The following TBX2 variants were observed in gnomAD, a reference collection of about 807,000 sequenced individuals.
TBX2 encodes T-box transcription factor 2, also known as T-box transcription factor TBX2.
TBX2 carries 19 observed loss-of-function variants against 48.4 expected under a neutral mutation model. That is an observed-to-expected ratio of 0.39 (90% CI 0.27 to 0.58). The LOEUF is 0.58. Ranked by LOEUF, TBX2 falls within the 20% of genes least tolerant of loss-of-function variation. The probability of loss-of-function intolerance (pLI) is 0.54; values close to 1 mark genes in which losing one functional copy is unlikely to be tolerated. For missense variants in TBX2, 994 were observed against 1,006.5 expected, an observed-to-expected ratio of 0.99 and a Z score of 0.17; for synonymous variants, 522 against 459.7, an observed-to-expected ratio of 1.14 and a Z score of -1.73.
chr17:61,401,769 G>A lies in TBX2; in HGVS notation c.481G>A (p.Asp161Asn). 6.2e-7 allele frequency: 1 copy of A among 1,613,138 alleles called. No individual in the cohort carries two copies. Among genetic ancestry groups the A allele is most frequent in the Non-Finnish European group, 8.5e-7 (1 of 1,180,016 alleles). The change falls in exon 2 of 7, where the codon GAC becomes AAC. Residue 161 changes from aspartate to asparagine, a missense_variant. Coordinates refer to ENST00000240328, the MANE Select transcript of TBX2 (RefSeq NM_005994.4). ...CCTGCTGATGGACATTGTAGCCGCT[G>A]ACGATTGCCGCTATAAGTTCCACAA... Reference protein sequence around the residue: ...YILLMDIVAADDCRYKFHNSR... With the variant: ...YILLMDIVAANDCRYKFHNSR...
Position 61,401,854 on chromosome 17 carries a change from A to G in TBX2, c.566A>G (p.His189Arg). The G allele has an allele frequency of 6.2e-7, 1 of 1,613,008 alleles. No individual in the cohort carries two copies. Among genetic ancestry groups the G allele is most frequent in the Non-Finnish European group, 8.5e-7 (1 of 1,180,010 alleles). Residue 189 changes from histidine (H) to arginine (R), a missense_variant, in exon 2 of 7, where the codon CAC (histidine) becomes CGC (arginine). Coordinates refer to ENST00000240328, the MANE Select transcript of TBX2 (RefSeq NM_005994.4). ...DPEMPKRMYI[H>R]PDSPATGEQW... ...GAGATGCCCAAACGCATGTACATCC[A>G]CCCAGACAGCCCAGCCACGGGGGAG...
rs756265719 is a variant in TBX2 at position 61,403,142 on chromosome 17, A to T, written c.745A>T (p.Thr249Ser). Reference sequence around the variant, plus strand: ...CGACATCCTGAAGCTGCCTTACAGCACCTTCCGCACCTACGTGTTCCCGGA... The same window carrying T: ...CGACATCCTGAAGCTGCCTTACAGCTCCTTCCGCACCTACGTGTTCCCGGA... Reference protein sequence around the residue: ...ANDILKLPYSTFRTYVFPETD... With the variant: ...ANDILKLPYSSFRTYVFPETD... Residue 249 changes from threonine (T) to serine (S), a missense_variant, in exon 3 of 7, where the codon ACC (threonine) becomes TCC (serine). Thr to Ser is a moderately conservative substitution (Grantham distance 58, BLOSUM62 1). This residue lies in a region of TBX2 where 153 missense variants were observed against 166.2 expected (regional missense o/e 0.92). Transcript: ENST00000240328. The surrounding 1 kb of genome is among the most constrained non-coding windows in gnomAD (Gnocchi z 5.8). 21 of 1,613,528 alleles carry T rather than the reference A, an allele frequency of 1.3e-5. No homozygotes were observed. In the African/African-American group the frequency reaches 2.7e-4, roughly 21 times the overall value.
intron 5 of TBX2, 128 bp downstream of exon 5, chr17:61,404,897 A>ATGG (rs1305095580): frequency 1.4e-6 from 2 of 1,406,090 alleles, no homozygotes; most frequent in South Asian, 2.5e-5. Flanking sequence ...AGTGTCTGGG[A>ATGG]TGGGGTTTCC....
Position 61,401,696 on chromosome 17 carries a change from C to T in TBX2, c.408C>T (p.Pro136=). Residue 136 remains proline (P), a synonymous_variant, in exon 2 of 7, where the codon CCC becomes CCT. Transcript: ENST00000240328. Reference sequence around the variant, plus strand: ...CCCTCCCTCCCAGGCGGATGTTCCCCCCCTTCAAGGTGCGAGTCAGCGGCC... The same window carrying T: ...CCCTCCCTCCCAGGCGGATGTTCCCTCCCTTCAAGGTGCGAGTCAGCGGCC... ...VITKSGRRMF[P]PFKVRVSGLD... 1 of 1,612,148 alleles carries T rather than the reference C, an allele frequency of 6.2e-7. No individual in the cohort carries two copies. The highest frequency in any genetic ancestry group is 8.5e-7 in the Non-Finnish European group (1 of 1,179,428).
At position 61,408,060 on chromosome 17, in the gene TBX2, C is replaced by A; in HGVS notation, c.1693C>A (p.Pro565Thr). Residue 565 changes from proline (P) to threonine (T), a missense_variant, in exon 7 of 7, where the codon CCA becomes ACA. Physicochemically the swap from Pro to Thr is conservative, Grantham distance 38. Coordinates refer to ENST00000240328, the MANE Select transcript of TBX2 (RefSeq NM_005994.4). ...CTTGTTCTGTTTCTTCCAGGGAATT[C>A]CAATGCCCACTTTCGGAGGCCTCTT... The part of the protein sequence containing the change: ...SQHMLASQGI[P>T]MPTFGGLFPY... 1 of 1,579,484 alleles carries A rather than the reference C, an allele frequency of 6.3e-7. No individual in the cohort carries two copies. Among genetic ancestry groups the A allele is most frequent in the Non-Finnish European group, 8.6e-7 (1 of 1,165,204 alleles).
chr17:61,402,529 CG>C (rs1342509382), intron 2 of TBX2, among the ~76,000 whole-genome samples: 5 of 150,664 alleles, frequency 3.3e-5, no homozygotes, highest in African/African-American at 1.2e-4. Flanking sequence ...CCCCAGCGAA[CG>C]GGGGTGGTGT....
At position 61,405,083 on chromosome 17, in the gene TBX2, C is replaced by T. The variant is rs988540791; in HGVS notation, c.1052-119C>T. The T allele has an allele frequency of 1.9e-5, 28 of 1,512,836 alleles. No individual in the cohort carries two copies. In the African/African-American group the frequency reaches 2.2e-4, roughly 12 times the overall value. The allele number at this position is 1,512,836 out of a possible 1,614,324, so 93.7% of individuals were successfully genotyped here. A position where few individuals can be genotyped will look rare whatever the true frequency, so the allele number is the denominator to read the frequency against. ...TTAGGTGACCTGCAGCTGCCCTTTG[C>T]CCGACTCCAGCAGCTCCTCCGACTC... On this transcript the variant is annotated intron_variant, in intron 5 of 6. Transcript: ENST00000240328.
chr17:61,408,706 C>A lies in TBX2; in HGVS notation c.*200C>A. On this transcript the variant is annotated 3_prime_UTR_variant, in exon 7 of 7. Transcript: ENST00000240328. ...TCAACAAGGATCAGGCTGCTGGAAACACAGTCACTTGGGAGCTGCTGGGCT... is the reference window on the plus strand; with the variant it reads ...TCAACAAGGATCAGGCTGCTGGAAAAACAGTCACTTGGGAGCTGCTGGGCT... 2.1e-6 allele frequency: 1 copy of A among 483,466 alleles called. No homozygotes were observed. Among genetic ancestry groups the A allele is most frequent in the Non-Finnish European group, 3.4e-6 (1 of 291,442 alleles). 29.9% of individuals were successfully genotyped at this position (483,466 alleles called of 1,614,324 possible). A position where few individuals can be genotyped will look rare whatever the true frequency, so the allele number is the denominator to read the frequency against.
intron 6 of TBX2, chr17:61,407,789 C>T: frequency 2.1e-6 from 1 of 476,078 alleles, no homozygotes; most frequent in Non-Finnish European, 3.6e-6. Context: ...AATGTCCTTT[C>T]CATTACCCCT....
At chr17:61,405,136 G>C in intron 5 of TBX2, 66 bp from the exon 6 acceptor site, 2 of 1,483,290 alleles carry the variant, frequency 1.3e-6, no homozygotes, top group Non-Finnish European at 1.8e-6. Context: ...CCCTTCCCGA[G>C]TGTCCCTGAT....
chr17:61,405,230 C>T lies in TBX2; in HGVS notation c.1080C>T (p.Ser360=), dbSNP rs773051493. 1.9e-6 allele frequency: 3 copies of T among 1,560,580 alleles called. No individual in the cohort carries two copies. Among genetic ancestry groups the T allele is most frequent in the Non-Finnish European group, 8.6e-7 (1 of 1,162,238 alleles). The change falls in exon 6 of 7, where the codon AGC becomes AGT. Residue 360 remains serine, a synonymous_variant. Coordinates refer to ENST00000240328, the MANE Select transcript of TBX2 (RefSeq NM_005994.4). ...AGGAGAAGTCGTGCGCCGCGGACAG[C>T]GACCCGGAGCCTGAGCGGTTGAGCG... is the stretch of plus-strand genomic sequence containing the variant. ...RAEEKSCAAD[S]DPEPERLSEE...
In TBX2 at chr17:61,403,283, C is replaced by T. The variant is rs899339200; in HGVS notation, c.810+76C>T. On this transcript the variant is annotated intron_variant, in intron 3 of 6. Coordinates refer to ENST00000240328, the MANE Select transcript of TBX2 (RefSeq NM_005994.4). This position sits in a 1 kb window ranked among gnomAD's most constrained non-coding sequence, Gnocchi z 5.8. Reference sequence around the variant, plus strand: ...CGTGCAGGCCCAACCGTCCGTTCATCGCCCCTCGAAGCCCCCTGCACGGGA... The same window carrying T: ...CGTGCAGGCCCAACCGTCCGTTCATTGCCCCTCGAAGCCCCCTGCACGGGA... 1.3e-6 allele frequency: 2 copies of T among 1,570,956 alleles called. No individual in the cohort carries two copies. The highest frequency in any genetic ancestry group is 8.6e-7 in the Non-Finnish European group (1 of 1,167,450).
In TBX2 at chr17:61,400,353, G is replaced by C. The variant is rs2060259044; in HGVS notation, c.177G>C (p.Gly59=). 2 of 1,013,156 alleles carry C rather than the reference G, an allele frequency of 2.0e-6. No homozygotes were observed. Among genetic ancestry groups the C allele is most frequent in the East Asian group, 9.7e-5 (1 of 10,270 alleles). The allele number at this position is 1,013,156 out of a possible 1,614,324, so 62.8% of individuals were successfully genotyped here. The change falls in exon 1 of 7, where the codon GGG becomes GGC. Residue 59 remains glycine (G), a synonymous_variant. Transcript: ENST00000240328. This position sits in a 1 kb window ranked among gnomAD's most constrained non-coding sequence, Gnocchi z 9.2. The part of the protein sequence containing the change: ...AKPLPDPGLA[G]AAAAAAAAAA... ...CGCTGCCCGACCCGGGCCTGGCGGG[G>C]GCGGCGGCCGCGGCGGCGGCGGCGG...
chr17:61,400,722 C>T lies in TBX2; in HGVS notation c.395+151C>T. ...CGCCACGCTTCGCTCCCACGGACAACCAAGTTGACTTTTCTCGTTTGGCAC... is the reference window on the plus strand; with the variant it reads ...CGCCACGCTTCGCTCCCACGGACAATCAAGTTGACTTTTCTCGTTTGGCAC... On this transcript the variant is annotated intron_variant, in intron 1 of 6. Transcript: ENST00000240328. The surrounding 1 kb of genome is among the most constrained non-coding windows in gnomAD (Gnocchi z 9.2). 1.2e-6 allele frequency: 1 copy of T among 822,240 alleles called. No individual in the cohort carries two copies. Among genetic ancestry groups the T allele is most frequent in the Non-Finnish European group, 1.8e-6 (1 of 547,234 alleles). The allele number at this position is 822,240 out of a possible 1,614,324, so 50.9% of individuals were successfully genotyped here. A position where few individuals can be genotyped will look rare whatever the true frequency, so the allele number is the denominator to read the frequency against.
At position 61,404,608 on chromosome 17, in the gene TBX2, A is replaced by C; in HGVS notation, c.890A>C (p.Lys297Thr). The C allele has an allele frequency of 2.5e-6, 4 of 1,584,624 alleles. No individual in the cohort carries two copies. The highest frequency in any genetic ancestry group is 3.4e-6 in the Non-Finnish European group (4 of 1,163,278). ...DTGNGRREKRKQLTLPSLRLY... is the reference protein window; with the variant it reads ...DTGNGRREKRTQLTLPSLRLY... ...CTGGTTCATCCGCTCATCCCCAGGAAGCAGCTGACGCTGCCGTCTCTACGC... is the reference window on the plus strand; with the variant it reads ...CTGGTTCATCCGCTCATCCCCAGGACGCAGCTGACGCTGCCGTCTCTACGC... Residue 297 changes from lysine (K) to threonine (T), a missense_variant and splice_region_variant, in exon 5 of 7, where the codon AAG becomes ACG. Lys to Thr is a moderately conservative substitution (Grantham distance 78). Transcript: ENST00000240328.
rs1469537120 is a variant in TBX2 at position 61,406,870 on chromosome 17, G to A, written c.1686+1034G>A. ...GCTCTGGGCTGGAAGGGAAGCCTCT[G>A]GAGAAAGTTCAGGGCCCAGAGGTTT... On this transcript the variant is annotated intron_variant, in intron 6 of 6. Transcript: ENST00000240328. This position sits in a 1 kb window ranked among gnomAD's most constrained non-coding sequence, Gnocchi z 5.7. 1 of 152,126 alleles carries A rather than the reference G, an allele frequency of 6.6e-6. No homozygotes were observed. The highest frequency in any genetic ancestry group is 6.5e-5 in the Admixed American group (1 of 15,280). 9.4% of individuals were successfully genotyped at this position (152,126 alleles called of 1,614,324 possible). A position where few individuals can be genotyped will look rare whatever the true frequency, so the allele number is the denominator to read the frequency against.
intron 1 of TBX2, 73 bp from the exon 2 acceptor site, chr17:61,401,610 AT>A (rs2060264054): frequency 1.3e-6 from 2 of 1,530,626 alleles, no homozygotes; most frequent in Admixed American, 1.9e-5. Context: ...GGAGGGATAA[AT>A]AAAGGAGGAG....
chr17:61,402,183 A>G (rs975188650), intron 2 of TBX2, among the ~76,000 whole-genome samples: 16 of 152,090 alleles, frequency 1.1e-4, no homozygotes, highest in African/African-American at 3.6e-4. Context: ...GCAGCTCACA[A>G]TCTCAGTTCC....
chr17:61,404,108 C>T (rs920053314), intron 3 of TBX2, among the ~76,000 whole-genome samples: 1 of 152,174 alleles, frequency 6.6e-6, no homozygotes, highest in Non-Finnish European at 1.5e-5. Context: ...GTTTAACTTG[C>T]GCAAGCCCGC....
Sources: allele counts gnomAD v4.1 joint callset (sites outside exome capture counted in the v4.1 genomes callset), GRCh38; gene constraint gnomAD v4.1.1; regional missense constraint gnomAD v4.1.1; non-coding constraint Gnocchi (gnomAD v3.1); transcripts MANE v1.5; gene names NCBI Gene and HGNC (gene_info 2026-07-23, HGNC 2026-07-21).